STXBP6: variants seen among roughly 807,000 people sequenced by gnomAD.
STXBP6 encodes syntaxin-binding protein 6.
STXBP6 carries 21 observed loss-of-function variants against 26.9 expected under a neutral mutation model. The observed-to-expected ratio is 0.78, with a 90% confidence interval of 0.55 to 1.12. The LOEUF is 1.12. Among genes scored for constraint, STXBP6 ranks in the 50% most tolerant of loss-of-function variants. The pLI, the probability that STXBP6 is intolerant of heterozygous loss-of-function variation, is 0.00. For synonymous variants in STXBP6, 97 were observed against 92.6 expected, an observed-to-expected ratio of 1.05 and a Z score of -0.27; for missense variants, 232 against 257.9, an observed-to-expected ratio of 0.90 and a Z score of 0.69.
intron 1 of STXBP6, among the ~76,000 whole-genome samples, chr14:25,036,690 T>TA (rs2075558760): frequency 6.6e-6 from 1 of 151,682 alleles, no homozygotes; most frequent in South Asian, 2.1e-4. Context: ...CCGTCTCTAC[T>TA]AAAAATATAC....
Position 25,050,008 on chromosome 14 carries a change from G to T in STXBP6, c.-163C>A. On this transcript the variant is annotated 5_prime_UTR_variant, in exon 1 of 6. Coordinates refer to ENST00000323944, the MANE Select transcript of STXBP6 (RefSeq NM_001394410.1). ...CAAGGCTTAGCCGGCCCGGGTGCTG[G>T]CTCGCCGCCGCTCGCGGCTCCCGCG... 2.6e-6 allele frequency: 1 copy of T among 390,012 alleles called. No individual in the cohort carries two copies. The highest frequency in any genetic ancestry group is 3.5e-6 in the Non-Finnish European group (1 of 286,024). The allele number at this position is 390,012 out of a possible 1,614,324, so 24.2% of individuals were successfully genotyped here.
intron 2 of STXBP6, among the ~76,000 whole-genome samples, chr14:24,911,983 G>GC (rs1484059868): frequency 6.6e-6 from 1 of 152,174 alleles, no homozygotes; most frequent in Non-Finnish European, 1.5e-5. Flanking sequence ...TTGTAAGACA[G>GC]CAAGTGTGGT....
At chr14:24,916,570 G>T (rs1245069739) in intron 2 of STXBP6, among the ~76,000 whole-genome samples, 2 of 152,104 alleles carry the variant, frequency 1.3e-5, no homozygotes, top group South Asian at 2.1e-4. Flanking sequence ...TGGTTTGTTT[G>T]CTTTGCAGGG....
Position 24,823,078 on chromosome 14 carries a change from G to A in STXBP6, c.452-3884C>T, listed in dbSNP as rs549310290. Reference sequence around the variant, plus strand: ...GAAGCTGTCAACCATGGTAAATAAAGTCAACTACTTTTGGAATTAGTCTCT... The same window carrying A: ...GAAGCTGTCAACCATGGTAAATAAAATCAACTACTTTTGGAATTAGTCTCT... On this transcript the variant is annotated intron_variant, in intron 4 of 5. Coordinates refer to ENST00000323944, the MANE Select transcript of STXBP6 (RefSeq NM_001394410.1). Among the ~76,000 whole-genome samples, 3 of 152,232 alleles carry A rather than the reference G, an allele frequency of 2.0e-5. No individual in the cohort carries two copies. In the South Asian group the frequency reaches 6.2e-4, roughly 32 times the overall value.
At chr14:24,865,353 T>C (rs1446620170) in intron 2 of STXBP6, among the ~76,000 whole-genome samples, 1 of 152,106 alleles carries the variant, frequency 6.6e-6, no homozygotes, top group Non-Finnish European at 1.5e-5. Context: ...TAGGCTGTGG[T>C]GCACGGAGGA....
chr14:24,818,940 A>G lies in STXBP6; in HGVS notation c.609+97T>C, dbSNP rs1167587251. On this transcript the variant is annotated intron_variant, in intron 5 of 5. Transcript: ENST00000323944. Reference sequence around the variant, plus strand: ...CATAAAGGGGAAATAGCTTAATTTTATATCTCTCATCACAGGAAAATACTG... The same window carrying G: ...CATAAAGGGGAAATAGCTTAATTTTGTATCTCTCATCACAGGAAAATACTG... The G allele has an allele frequency of 3.5e-6, 5 of 1,437,564 alleles. No homozygotes were observed. In the African/African-American group the frequency reaches 4.3e-5, roughly 12 times the overall value. 89.1% of individuals were successfully genotyped at this position (1,437,564 alleles called of 1,614,324 possible).
intron 1 of STXBP6, among the ~76,000 whole-genome samples, chr14:24,986,364 G>T (rs1487688234): frequency 1.3e-5 from 2 of 152,112 alleles, no homozygotes; most frequent in Non-Finnish European, 2.9e-5. Context: ...CAACCCACAG[G>T]CCTCTGTATT....
At chr14:24,949,076 T>C (rs372389310) in intron 2 of STXBP6, among the ~76,000 whole-genome samples, 5 of 152,110 alleles carry the variant, frequency 3.3e-5, no homozygotes, top group Admixed American at 6.6e-5. Context: ...GAAAAAGGCA[T>C]GAAATCCAAC....
At chr14:25,001,851 C>T (rs1272533504) in intron 1 of STXBP6, among the ~76,000 whole-genome samples, 1 of 152,190 alleles carries the variant, frequency 6.6e-6, no homozygotes, top group Non-Finnish European at 1.5e-5. Context: ...TTTATTTTTC[C>T]ATTACAATGA....
At chr14:25,041,226 G>A (rs1287690991) in intron 1 of STXBP6, among the ~76,000 whole-genome samples, 1 of 152,068 alleles carries the variant, frequency 6.6e-6, no homozygotes, top group Non-Finnish European at 1.5e-5. Context: ...GGAGGCTGAG[G>A]CAGGAGAATC....
intron 4 of STXBP6, among the ~76,000 whole-genome samples, chr14:24,841,347 T>A (rs566498487): frequency 6.6e-6 from 1 of 152,322 alleles, no homozygotes; most frequent in South Asian, 2.1e-4. Context: ...GAAAACTGTA[T>A]TTTTAATAGC....
chr14:24,944,705 T>C (rs1002433171), intron 2 of STXBP6, among the ~76,000 whole-genome samples: 2 of 152,162 alleles, frequency 1.3e-5, no homozygotes, highest in African/African-American at 4.8e-5. Flanking sequence ...ACTTATAGCA[T>C]GAAACTTAAC....
At chr14:24,873,013 T>A (rs1175436730) in intron 2 of STXBP6, among the ~76,000 whole-genome samples, 1 of 152,234 alleles carries the variant, frequency 6.6e-6, no homozygotes, top group Admixed American at 6.5e-5. Context: ...AGGTTGTTTT[T>A]TATTTGTAAT....
chr14:24,940,892 T>C (rs1209436883), intron 2 of STXBP6, among the ~76,000 whole-genome samples: 1 of 152,222 alleles, frequency 6.6e-6, no homozygotes, highest in East Asian at 1.9e-4. Flanking sequence ...GGCAGGCACA[T>C]GCAATCCTAG....
intron 4 of STXBP6, among the ~76,000 whole-genome samples, chr14:24,854,001 AG>A (rs2069242978): frequency 6.6e-6 from 1 of 152,140 alleles, no homozygotes. Context: ...AACCAAATAT[AG>A]AATTATTCTC....
chr14:24,841,481 A>G (rs2068781523), intron 4 of STXBP6, among the ~76,000 whole-genome samples: 1 of 152,338 alleles, frequency 6.6e-6, no homozygotes, highest in Middle Eastern at 3.4e-3. Context: ...AGCAAGTTTT[A>G]GCCATCATCT....
chr14:24,826,366 A>G (rs1451500429), intron 4 of STXBP6, among the ~76,000 whole-genome samples: 3 of 152,152 alleles, frequency 2.0e-5, no homozygotes, highest in Non-Finnish European at 4.4e-5. Flanking sequence ...CATTTACAAC[A>G]GTGTTTGGCC....
intron 2 of STXBP6, among the ~76,000 whole-genome samples, chr14:24,973,708 A>G (rs894445567): frequency 6.6e-6 from 1 of 152,056 alleles, no homozygotes; most frequent in Non-Finnish European, 1.5e-5. Flanking sequence ...AATTCTTACC[A>G]AAGTGCTATG....
In STXBP6 at chr14:24,929,750, A is replaced by C. The variant is rs527461783; in HGVS notation, c.154+44915T>G. On this transcript the variant is annotated intron_variant, in intron 2 of 5. Transcript: ENST00000323944. ...ATGTTCTACGAAAGATGGTCAAATGACCTCTCCTTCGCCCTGGGCATCGCT... is the reference window on the plus strand; with the variant it reads ...ATGTTCTACGAAAGATGGTCAAATGCCCTCTCCTTCGCCCTGGGCATCGCT... 4.3e-4 allele frequency among the ~76,000 whole-genome samples: 65 copies of C among 152,234 alleles called. 1 individual carries two copies. The highest frequency in any genetic ancestry group is 1.5e-3 in the African/African-American group (63 of 41,526).
Sources: gnomAD v4.1 joint callset for allele counts (sites outside exome capture counted in the v4.1 genomes callset) on GRCh38, gnomAD v4.1.1 for gene constraint, MANE v1.5 for transcripts, NCBI Gene and HGNC (gene_info 2026-07-23, HGNC 2026-07-21) for gene names.